LRIT3: variants seen among roughly 807,000 people sequenced by gnomAD.
LRIT3 encodes leucine rich repeat, Ig-like and transmembrane domains 3.
Under a neutral mutation model 22.6 loss-of-function variants are expected in LRIT3, and 14 were observed. The ratio of observed to expected loss-of-function variants is 0.62; its 90% CI spans 0.41 to 0.97. The LOEUF (loss-of-function observed/expected upper bound fraction) is 0.97, where lower values mean the gene tolerates loss of function less well. Among genes scored for constraint, LRIT3 ranks in the 50% least tolerant of loss-of-function variants. The pLI, the probability that LRIT3 is intolerant of heterozygous loss-of-function variation, is 0.00. For synonymous variants in LRIT3, 306 were observed against 304.5 expected (o/e 1.01, Z -0.05); for missense variants, 783 against 803.0 (o/e 0.98, Z 0.30).
rs568647777 is a variant in LRIT3, at chr4:109,869,445, C to T, written c.896-200C>T. Among the ~76,000 whole-genome samples the T allele has an allele frequency of 2.6e-5, 4 of 152,310 alleles. 1 individual carries two copies. The South Asian group carries it at 6.2e-4, about 24-fold the overall frequency. On this transcript the variant is annotated intron_variant, in intron 3 of 3. Coordinates refer to ENST00000594814, the MANE Select transcript of LRIT3 (RefSeq NM_198506.5). ...AATACTATTCCCTGTACAGACCTCA[C>T]AACACCTGGCAGGTCCTAGACCTTG...
chr4:109,859,700 C>T (rs981076143), intron 2 of LRIT3, among the ~76,000 whole-genome samples: 2 of 152,204 alleles, frequency 1.3e-5, no homozygotes, highest in African/African-American at 4.8e-5. Flanking sequence ...ACATTCCATT[C>T]CCAGAGCTAT....
At position 109,861,038 on chromosome 4, in the gene LRIT3, T is replaced by C. The variant is rs527690711; in HGVS notation, c.590-6603T>C. ...TGGCACATGTTTTCATTTCATTATC[T>C]TGGATAAATTCCTAGAATTGAAATT... On this transcript the variant is annotated intron_variant, in intron 2 of 3. Transcript: ENST00000594814. Among the ~76,000 whole-genome samples, 5 of 152,354 alleles carry C rather than the reference T, an allele frequency of 3.3e-5. No homozygotes were observed. In the South Asian group the frequency reaches 1.0e-3, roughly 32 times the overall value.
intron 1 of LRIT3, among the ~76,000 whole-genome samples, chr4:109,848,799 T>C (rs1250837571): frequency 6.6e-6 from 1 of 152,174 alleles, no homozygotes; most frequent in Non-Finnish European, 1.5e-5. Flanking sequence ...GGTTAATAGT[T>C]AGAATTTTTC....
At chr4:109,849,800 A>T (rs1734165500) in intron 1 of LRIT3, among the ~76,000 whole-genome samples, 1 of 152,004 alleles carries the variant, frequency 6.6e-6, no homozygotes, top group Admixed American at 6.5e-5. Flanking sequence ...TTTAGTAGAG[A>T]TGGGGTTTCA....
intron 2 of LRIT3, 23 bp from the exon 3 acceptor site, chr4:109,867,618 A>G: frequency 6.2e-7 from 1 of 1,603,804 alleles, no homozygotes; most frequent in Non-Finnish European, 8.5e-7. Context: ...ATCTTTGTCA[A>G]CCTTTCCCAC....
At chr4:109,865,659 T>A (rs1734658440) in intron 2 of LRIT3, among the ~76,000 whole-genome samples, 1 of 152,216 alleles carries the variant, frequency 6.6e-6, no homozygotes, top group Non-Finnish European at 1.5e-5. Context: ...TTAAGTACTA[T>A]GTTTAGCAAG....
chr4:109,856,382 A>G (rs1734402835), intron 2 of LRIT3, among the ~76,000 whole-genome samples: 2 of 152,192 alleles, frequency 1.3e-5, no homozygotes, highest in Non-Finnish European at 2.9e-5. Flanking sequence ...CACATGAACA[A>G]TAAACCAATA....
rs1410028604 is a variant in LRIT3 at position 109,851,575 on chromosome 4, G to A, written c.188G>A (p.Arg63His). The A allele has an allele frequency of 2.3e-5, 36 of 1,551,780 alleles. No homozygotes were observed. Among genetic ancestry groups the A allele is most frequent in the East Asian group, 4.9e-5 (2 of 40,932 alleles). ...TNLPVDTVKL[R>H]IEKTVIRRIS... The stretch of plus-strand genomic sequence containing the variant: ...CTCCCCGTGGACACTGTGAAGCTTC[G>A]CATAGAGAAGACTGTCATCCGCAGA... The change falls in exon 2 of 4, where the codon CGC (arginine) becomes CAC (histidine). Residue 63 changes from arginine to histidine, a missense_variant. By Grantham distance (29) the Arg-to-His change is conservative. This residue lies in a region of LRIT3 where 756 missense variants were observed against 753.8 expected (regional missense o/e 1.00). Coordinates refer to ENST00000594814, the MANE Select transcript of LRIT3 (RefSeq NM_198506.5).
At chr4:109,851,374 CAA>C in intron 1 of LRIT3, 128 bp from the exon 2 acceptor site, 6 of 1,316,420 alleles carry the variant, frequency 4.6e-6, no homozygotes, top group Non-Finnish European at 6.1e-6. Context: ...CTCGGCCTCC[CAA>C]AGTGCTGGGA....
In LRIT3 at chr4:109,870,536, T is replaced by A; in HGVS notation, c.1787T>A (p.Leu596Ter). ...VVTSTACVVI[L>*]PLICFLLYKV... ...ACCAGTACTGCCTGTGTTGTTATCT[T>A]ACCATTGATTTGTTTCTTGTTGTAC... The change falls in exon 4 of 4, where the codon TTA becomes TAA. Residue 596 changes from leucine to a stop codon, truncating the protein, a stop_gained. Coordinates refer to ENST00000594814, the MANE Select transcript of LRIT3 (RefSeq NM_198506.5). LOFTEE classifies it high-confidence loss of function. 1 of 1,614,242 alleles carries A rather than the reference T, an allele frequency of 6.2e-7. No individual in the cohort carries two copies. Among genetic ancestry groups the A allele is most frequent in the South Asian group, 1.1e-5 (1 of 91,084 alleles).
intron 1 of LRIT3, among the ~76,000 whole-genome samples, chr4:109,850,422 C>CTTTCTTTCTTTCTTTCTTTCTTT (rs1553922077): frequency 0.02 from 1,120 of 55,070 alleles, 255 homozygotes; most frequent in Admixed American, 0.025. Context: ...TTCCTTCCTT[C>CTTTCTTTCTTTCTTTCTTTCTTT]CTTTCTTTCT....
At position 109,851,855 on chromosome 4, in the gene LRIT3, C is replaced by G; in HGVS notation, c.468C>G (p.Ala156=). ...NEALRYLKNL[A]YLDLSSNRLT... is the part of the protein sequence containing the mutation. ...CGCTCAGGTATCTGAAGAACCTTGC[C>G]TACTTGGATTTATCAAGCAACAGAC... The change falls in exon 2 of 4, where the codon GCC becomes GCG. Residue 156 remains alanine, a synonymous_variant. Transcript: ENST00000594814. 6.4e-7 allele frequency: 1 copy of G among 1,551,686 alleles called. No individual in the cohort carries two copies. Among genetic ancestry groups the G allele is most frequent in the Non-Finnish European group, 8.7e-7 (1 of 1,147,006 alleles).
chr4:109,851,928 T>C lies in LRIT3; in HGVS notation c.541T>C (p.Ser181Pro), dbSNP rs1231575331. The C allele has an allele frequency of 6.4e-7, 1 of 1,551,602 alleles. No homozygotes were observed. Among genetic ancestry groups the C allele is most frequent in the East Asian group, 2.4e-5 (1 of 40,914 alleles). ...CCTGGAGAGCTGGACTCATTTAGTT[T>C]CAACACCTTCTGGAGTCCTGGACCT... ...DFLESWTHLV[S>P]TPSGVLDLSP... The change falls in exon 2 of 4, where the codon TCA (serine) becomes CCA (proline). Residue 181 changes from serine to proline, a missense_variant. Ser to Pro is a moderately conservative substitution (Grantham distance 74, BLOSUM62 -1). This residue lies in a region of LRIT3 where 756 missense variants were observed against 753.8 expected (regional missense o/e 1.00). Transcript: ENST00000594814.
chr4:109,868,515 G>C (rs1321243658), intron 3 of LRIT3, among the ~76,000 whole-genome samples: 1 of 140,006 alleles, frequency 7.1e-6, no homozygotes, highest in African/African-American at 2.8e-5. Context: ...AGGTTGCAGT[G>C]AGTTAAGATC....
In LRIT3 at chr4:109,867,754, C is replaced by A. The variant is rs1410790609; in HGVS notation, c.703C>A (p.Pro235Thr). 1 of 1,614,170 alleles carries A rather than the reference C, an allele frequency of 6.2e-7. No individual in the cohort carries two copies. Reference protein sequence around the residue: ...LLDPLMTCSEPERLTGILFQR... With the variant: ...LLDPLMTCSETERLTGILFQR... ...GGATCCACTGATGACTTGCAGTGAA[C>A]CTGAGCGCCTCACAGGAATTTTGTT... is the stretch of plus-strand genomic sequence containing the variant. Residue 235 changes from proline (P) to threonine (T), a missense_variant, in exon 3 of 4, where the codon CCT becomes ACT. Around this residue, in one of 2 missense-constraint regions of LRIT3, gnomAD observed 756 missense variants for 753.8 expected, o/e 1.00. Coordinates refer to ENST00000594814, the MANE Select transcript of LRIT3 (RefSeq NM_198506.5).
chr4:109,871,116 GT>G lies in LRIT3; in HGVS notation c.*333del. 5.4e-6 allele frequency: 1 copy of G among 186,850 alleles called. No individual in the cohort carries two copies. Among genetic ancestry groups the G allele is most frequent in the Non-Finnish European group, 1.1e-5 (1 of 91,636 alleles). The allele number at this position is 186,850 out of a possible 1,614,324, so 11.6% of individuals were successfully genotyped here. A position where few individuals can be genotyped will look rare whatever the true frequency, so the allele number is the denominator to read the frequency against. On this transcript the variant is annotated 3_prime_UTR_variant, in exon 4 of 4. Transcript: ENST00000594814. ...AGTGAACTCTGTATTTAAAAATATAGTTTTTTGAGTCATGAGGAAACATTAG... is the reference window on the plus strand; with the variant it reads ...AGTGAACTCTGTATTTAAAAATATAGTTTTTGAGTCATGAGGAAACATTAG...
At chr4:109,868,054 C>A in intron 3 of LRIT3, 108 bp downstream of exon 3, 1 of 1,172,424 alleles carries the variant, frequency 8.5e-7, no homozygotes, top group Non-Finnish European at 1.2e-6. Context: ...TAAAATATTT[C>A]AAGATTATTG....
intron 2 of LRIT3, among the ~76,000 whole-genome samples, chr4:109,854,294 A>T (rs181450130): frequency 6.6e-6 from 1 of 152,018 alleles, no homozygotes; most frequent in Non-Finnish European, 1.5e-5. Flanking sequence ...CCTTAAAGAG[A>T]TCCTTCACAT....
At chr4:109,853,051 A>G (rs1428423661) in intron 2 of LRIT3, among the ~76,000 whole-genome samples, 1 of 152,192 alleles carries the variant, frequency 6.6e-6, no homozygotes, top group African/African-American at 2.4e-5. Flanking sequence ...ATACATGTGC[A>G]TGTGTCTTTA....
Sources: gnomAD v4.1 joint callset for allele counts (sites outside exome capture counted in the v4.1 genomes callset) on GRCh38, gnomAD v4.1.1 for gene constraint, gnomAD v4.1.1 regional missense constraint, MANE v1.5 for transcripts, NCBI Gene and HGNC (gene_info 2026-07-23, HGNC 2026-07-21) for gene names.